Variants in ATP2B2 observed in about 807,000 individuals in gnomAD.
ATP2B2 encodes the protein ATPase plasma membrane Ca2+ transporting 2, also known as plasma membrane calcium-transporting ATPase 2.
ATP2B2 carries 15 observed loss-of-function variants against 120.0 expected under a neutral mutation model. The ratio of observed to expected loss-of-function variants is 0.12; its 90% CI spans 0.08 to 0.19. ATP2B2 has a LOEUF of 0.19. ATP2B2 is among the 10% of genes least tolerant of loss of function. The pLI, the probability that ATP2B2 is intolerant of heterozygous loss-of-function variation, is 1.00. For missense variants in ATP2B2, 1,045 were observed against 1,719.8 expected (o/e 0.61, Z 6.94); for synonymous variants, 694 against 700.3 (o/e 0.99, Z 0.14).
chr3:10,388,168 T>A (rs1486327868), intron 6 of ATP2B2, 109 bp downstream of exon 6: 3 of 1,533,614 alleles, frequency 2.0e-6, no homozygotes, highest in Non-Finnish European at 2.7e-6. Flanking sequence ...CAGCACAGGG[T>A]GCGGACGTAG....
intron 1 of ATP2B2, among the ~76,000 whole-genome samples, chr3:10,504,445 G>T (rs976990059): frequency 7.2e-5 from 11 of 152,134 alleles, no homozygotes; most frequent in Non-Finnish European, 1.6e-4. Context: ...CCCTCTGCCG[G>T]CTGGTCGGGC....
At position 10,642,614 on chromosome 3, in the gene ATP2B2, T is replaced by C. The variant is rs997465319; in HGVS notation, c.-459-22653A>G. On this transcript the variant is annotated intron_variant, in intron 1 of 21. Transcript: ENST00000646379. The stretch of plus-strand genomic sequence containing the variant: ...ATATCATCAAAATCATCCATTTCTA[T>C]GTTTAAAAAACACATGATTTTTCAT... Among the ~76,000 whole-genome samples the C allele has an allele frequency of 1.1e-4, 17 of 151,998 alleles. No individual in the cohort carries two copies. In the East Asian group the frequency reaches 2.7e-3, roughly 24 times the overall value.
At chr3:10,331,900 C>G (rs1211696040) in intron 22 of ATP2B2, 1 of 1,389,408 alleles carries the variant, frequency 7.2e-7, no homozygotes. Flanking sequence ...TCTACATACT[C>G]GAATGTTTAC....
In ATP2B2 at chr3:10,605,965, A is replaced by T. The variant is rs192301848; in HGVS notation, c.-415+13952T>A. 4.7e-3 allele frequency among the ~76,000 whole-genome samples: 720 copies of T among 151,784 alleles called. 8 individuals carry two copies. Among genetic ancestry groups the T allele is most frequent in the African/African-American group, 0.016 (648 of 41,390 alleles). On this transcript the variant is annotated intron_variant, in intron 2 of 21. Coordinates refer to the ATP2B2 transcript ENST00000646379. ...TGCCCAGCCCTCTACATTTTTTTTT[A>T]AAATCAGTTGGCTGTGGTGGTATGC...
chr3:10,452,460 G>A (rs530832441), intron 1 of ATP2B2, among the ~76,000 whole-genome samples: 1 of 152,210 alleles, frequency 6.6e-6, no homozygotes, highest in Non-Finnish European at 1.5e-5. Context: ...GCAGGGATGG[G>A]GCGGGAGCTT....
chr3:10,534,907 T>C (rs1006796333), intron 2 of ATP2B2, among the ~76,000 whole-genome samples: 1 of 138,906 alleles, frequency 7.2e-6, no homozygotes, highest in Admixed American at 7.1e-5. Context: ...GGTTTTTTTT[T>C]TTTTTTTTTT....
In ATP2B2 at chr3:10,324,773, A is replaced by G. The variant is rs930262952; in HGVS notation, c.*4041T>C. ...ACTCCAAATTAAAGAGCAAGAAACT[A>G]TCCCCCCAAAACAAAATGAAACAAA... On this transcript the variant is annotated 3_prime_UTR_variant, in exon 23 of 23. Transcript: ENST00000360273. 6.6e-6 allele frequency: 1 copy of G among 152,266 alleles called. No homozygotes were observed. Among genetic ancestry groups the G allele is most frequent in the African/African-American group, 2.4e-5 (1 of 41,450 alleles). The allele number at this position is 152,266 out of a possible 1,614,324, so 9.4% of individuals were successfully genotyped here. A position where few individuals can be genotyped will look rare whatever the true frequency, so the allele number is the denominator to read the frequency against.
chr3:10,580,586 C>T (rs1660456334), intron 2 of ATP2B2, among the ~76,000 whole-genome samples: 2 of 152,202 alleles, frequency 1.3e-5, no homozygotes, highest in Admixed American at 1.3e-4. Flanking sequence ...CCCTCCTCTG[C>T]TTCCTCATCT....
intron 5 of ATP2B2, among the ~76,000 whole-genome samples, chr3:10,400,692 A>G (rs2062188600): frequency 6.6e-6 from 1 of 152,204 alleles, no homozygotes; most frequent in Admixed American, 6.5e-5. Flanking sequence ...AGTCACTAGA[A>G]GGCCAATGCC....
rs542041700 is a variant in ATP2B2 at position 10,398,710 on chromosome 3, G to A, written c.781+2243C>T. On this transcript the variant is annotated intron_variant, in intron 5 of 22. Coordinates refer to ENST00000360273, the MANE Select transcript of ATP2B2 (RefSeq NM_001001331.4). ...CTTCTGGCCTCCCTGGAGACACACC[G>A]GCCTCTCCAAGTTTTGAGGCTTCTT... Among the ~76,000 whole-genome samples the A allele has an allele frequency of 7.9e-5, 12 of 152,204 alleles. No individual in the cohort carries two copies. The South Asian group carries it at 1.9e-3, about 24-fold the overall frequency.
At chr3:10,373,165 C>G (rs1358599599) in intron 11 of ATP2B2, among the ~76,000 whole-genome samples, 1 of 152,218 alleles carries the variant, frequency 6.6e-6, no homozygotes, top group Non-Finnish European at 1.5e-5. Flanking sequence ...TTACAGTTTG[C>G]AAAGCCTTGT....
intron 14 of ATP2B2, among the ~76,000 whole-genome samples, chr3:10,351,906 C>G (rs1364195492): frequency 6.6e-6 from 1 of 152,218 alleles, no homozygotes; most frequent in East Asian, 1.9e-4. Context: ...TGGAAAGAGC[C>G]AGCCCTGCTG....
intron 3 of ATP2B2, among the ~76,000 whole-genome samples, chr3:10,515,771 T>C (rs1327940646): frequency 6.6e-6 from 1 of 152,244 alleles, no homozygotes; most frequent in East Asian, 1.9e-4. Context: ...AACATGGTGA[T>C]GATATCTACT....
intron 1 of ATP2B2, among the ~76,000 whole-genome samples, chr3:10,623,342 G>A (rs2069604115): frequency 6.6e-6 from 1 of 152,186 alleles, no homozygotes; most frequent in Non-Finnish European, 1.5e-5. Context: ...ATAGGCCTGA[G>A]CCACCGTGCC....
In ATP2B2 at chr3:10,340,344, C is replaced by T; in HGVS notation, c.3135G>A (p.Val1045=). Residue 1045 remains valine, a synonymous_variant, in exon 21 of 23, where the codon GTG becomes GTA. Transcript: ENST00000360273. This position sits in a 1 kb window ranked among gnomAD's most constrained non-coding sequence, Gnocchi z 5.0. ...ATGGCTTCCCTCCAAACTGCACGATCACTATCTGGAGGTCACAGGGGAGCA... is the reference window on the plus strand; with the variant it reads ...ATGGCTTCCCTCCAAACTGCACGATTACTATCTGGAGGTCACAGGGGAGCA... ...IVLGTFAIQI[V]IVQFGGKPFS... is the part of the protein sequence containing the mutation. The T allele has an allele frequency of 1.2e-6, 2 of 1,614,092 alleles. No homozygotes were observed. The highest frequency in any genetic ancestry group is 1.7e-6 in the Non-Finnish European group (2 of 1,180,010).
intron 3 of ATP2B2, among the ~76,000 whole-genome samples, chr3:10,406,825 A>C (rs576013639): frequency 6.6e-6 from 1 of 152,340 alleles, no homozygotes; most frequent in South Asian, 2.1e-4. Context: ...TTACAGAGGG[A>C]GAAGGTAAGG....
At chr3:10,655,675 A>G (rs9872319) in intron 1 of ATP2B2, among the ~76,000 whole-genome samples, 33,599 of 152,008 alleles carry the variant, frequency 0.22, 6,217 homozygotes, top group African/African-American at 0.5. Context: ...ACGTGGAGTC[A>G]CCTGCCTACA....
chr3:10,377,156 C>T (rs1363354355), intron 10 of ATP2B2, among the ~76,000 whole-genome samples: 4 of 152,164 alleles, frequency 2.6e-5, no homozygotes, highest in South Asian at 4.1e-4. Context: ...TTGTTCTCAT[C>T]GCTTCGTTCC....
At position 10,579,853 on chromosome 3, in the gene ATP2B2, C is replaced by G. The variant is rs2068346132; in HGVS notation, c.-415+40064G>C. 6.6e-5 allele frequency among the ~76,000 whole-genome samples: 5 copies of G among 75,436 alleles called. No individual in the cohort carries two copies. The South Asian group carries it at 2.2e-3, about 33-fold the overall frequency. 49.5% of individuals were successfully genotyped at this position (75,436 alleles called of 152,430 possible). A position where few individuals can be genotyped will look rare whatever the true frequency, so the allele number is the denominator to read the frequency against. ...AACAAAACAAAACAAAACAAAGAAACAGACCCAGAAGGTGGGCCTCAAAGT... is the reference window on the plus strand; with the variant it reads ...AACAAAACAAAACAAAACAAAGAAAGAGACCCAGAAGGTGGGCCTCAAAGT... On this transcript the variant is annotated intron_variant, in intron 2 of 21. Transcript: ENST00000646379.
Sources: allele counts gnomAD v4.1 joint callset (sites outside exome capture counted in the v4.1 genomes callset), GRCh38; gene constraint gnomAD v4.1.1; non-coding constraint Gnocchi (gnomAD v3.1); transcripts MANE v1.5; gene names NCBI Gene and HGNC (gene_info 2026-07-23, HGNC 2026-07-21).